CELF1: variants seen among roughly 807,000 people sequenced by gnomAD.
The protein encoded by CELF1 is CUGBP Elav-like family member 1.
In CELF1, 10 loss-of-function variants were observed where a neutral mutation model predicts 61.8. That is an observed-to-expected ratio of 0.16 (90% CI 0.10 to 0.27). The LOEUF (loss-of-function observed/expected upper bound fraction) is 0.27. Ranked by LOEUF, CELF1 falls within the 10% of genes least tolerant of loss-of-function variation. The pLI, the probability that CELF1 is intolerant of heterozygous loss-of-function variation, is 1.00. For synonymous variants in CELF1, 236 were observed against 225.1 expected (o/e 1.05, Z -0.43); for missense variants, 380 against 639.1 (o/e 0.59, Z 4.37).
intron 1 of CELF1, among the ~76,000 whole-genome samples, chr11:47,544,016 G>C (rs1303382394): frequency 1.3e-5 from 2 of 152,152 alleles, no homozygotes; most frequent in Non-Finnish European, 2.9e-5. Flanking sequence ...TCTCAAAGTA[G>C]AAATAGTGAA....
chr11:47,559,070 ATAT>A (rs1301704091), intron 2 of CELF1, among the ~76,000 whole-genome samples: 3 of 139,258 alleles, frequency 2.2e-5, no homozygotes, highest in Non-Finnish European at 4.5e-5. Context: ...ATATATAATA[ATAT>A]AATATATAAT....
intron 1 of CELF1, among the ~76,000 whole-genome samples, chr11:47,503,401 T>C (rs1246220504): frequency 6.6e-6 from 1 of 152,148 alleles, no homozygotes; most frequent in Non-Finnish European, 1.5e-5. Context: ...GAACAGATTT[T>C]ACACTTCCAC....
chr11:47,532,219 C>T (rs1474733688), intron 1 of CELF1, among the ~76,000 whole-genome samples: 5 of 152,002 alleles, frequency 3.3e-5, no homozygotes, highest in African/African-American at 1.2e-4. Flanking sequence ...TTAGTAGAGA[C>T]GGGTTTCACC....
At chr11:47,496,254 T>A (rs1188862203) in intron 3 of CELF1, among the ~76,000 whole-genome samples, 1 of 152,160 alleles carries the variant, frequency 6.6e-6, no homozygotes, top group Non-Finnish European at 1.5e-5. Context: ...ATAAAGACAA[T>A]AATAATTTAA....
chr11:47,543,725 T>C (rs888499217), intron 1 of CELF1, among the ~76,000 whole-genome samples: 3 of 151,776 alleles, frequency 2.0e-5, no homozygotes, highest in African/African-American at 2.4e-5. Flanking sequence ...TTGGGCTACA[T>C]AGCGGACCCG....
At chr11:47,510,734 C>A (rs2095067978) in intron 1 of CELF1, among the ~76,000 whole-genome samples, 1 of 152,102 alleles carries the variant, frequency 6.6e-6, no homozygotes, top group Non-Finnish European at 1.5e-5. Context: ...CGATCCACCC[C>A]CTCTTGGCCT....
At chr11:47,501,747 C>CAGGA (rs2153555430) in intron 1 of CELF1, among the ~76,000 whole-genome samples, 1 of 152,200 alleles carries the variant, frequency 6.6e-6, no homozygotes, top group East Asian at 1.9e-4. Context: ...AGCTTGAACC[C>CAGGA]AGGAGGCAGA....
intron 6 of CELF1, 114 bp downstream of exon 6, chr11:47,486,636 G>A (rs1332688655): frequency 1.5e-5 from 12 of 802,074 alleles, no homozygotes; most frequent in Admixed American, 1.9e-5. Context: ...CTCGAACTCC[G>A]GCCTCAAGCA....
intron 1 of CELF1, among the ~76,000 whole-genome samples, chr11:47,536,012 T>C (rs866098449): frequency 3.3e-5 from 5 of 152,206 alleles, no homozygotes; most frequent in African/African-American, 1.2e-4. Context: ...TCCGCCCGCC[T>C]CAGCCTCCCA....
Position 47,499,574 on chromosome 11 carries a change from C to G in CELF1, c.-51G>C. On this transcript the variant is annotated 5_prime_UTR_variant, in exon 3 of 15. Coordinates refer to ENST00000687097, the MANE Select transcript of CELF1 (RefSeq NM_001376376.1). ...AATGATATTAACTTGCTGCACTTGT[C>G]TGATCCACAAATACACACAGCTTTA... The G allele has an allele frequency of 7.1e-7, 1 of 1,413,432 alleles. No homozygotes were observed. The allele number at this position is 1,413,432 out of a possible 1,614,324, so 87.6% of individuals were successfully genotyped here. A position where few individuals can be genotyped will look rare whatever the true frequency, so the allele number is the denominator to read the frequency against.
At chr11:47,558,112 C>T (rs574874540), upstream of CELF1, among the ~76,000 whole-genome samples, 4 of 152,232 alleles carry the variant, frequency 2.6e-5, no homozygotes, top group South Asian at 2.1e-4. Flanking sequence ...CCGCCTCAGC[C>T]TCCGAAAGTG....
rs1316462354 is a variant in CELF1, at chr11:47,469,292, T to G, written c.*2938A>C. On this transcript the variant is annotated 3_prime_UTR_variant, in exon 15 of 15. Coordinates refer to ENST00000687097, the MANE Select transcript of CELF1 (RefSeq NM_001376376.1). ...TTTTTCAGGGAAGAGGACCAGAATT[T>G]CTGCTCAATCTTATGGGGATGGCCC... 6.6e-6 allele frequency: 1 copy of G among 152,196 alleles called. No homozygotes were observed. The allele number at this position is 152,196 out of a possible 1,614,324, so 9.4% of individuals were successfully genotyped here. A position where few individuals can be genotyped will look rare whatever the true frequency, so the allele number is the denominator to read the frequency against.
intron 1 of CELF1, among the ~76,000 whole-genome samples, chr11:47,533,027 T>C (rs1319912500): frequency 6.6e-6 from 1 of 152,110 alleles, no homozygotes; most frequent in African/African-American, 2.4e-5. Context: ...AAGAGGTTGT[T>C]ACCATGGGAA....
At chr11:47,542,623 G>A (rs1323379730) in intron 1 of CELF1, among the ~76,000 whole-genome samples, 1 of 150,902 alleles carries the variant, frequency 6.6e-6, no homozygotes, top group African/African-American at 2.4e-5. Flanking sequence ...TCAGCCACTT[G>A]AGGAGCTGGG....
chr11:47,491,942 A>G (rs1462518947), intron 3 of CELF1, among the ~76,000 whole-genome samples: 5 of 152,226 alleles, frequency 3.3e-5, no homozygotes, highest in Non-Finnish European at 4.4e-5. Context: ...AAGAGCAGCT[A>G]TTATCTCCTA....
At position 47,475,407 on chromosome 11, in the gene CELF1, G is replaced by A. The variant is rs565562546; in HGVS notation, c.1202C>T (p.Ala401Val). ...YSGIQQYAAA[A>V]LPTLYNQNLL... ...ATTCTGGTTGTACAGAGTGGGGAGC[G>A]CAGCAGCAGCATATTGCTGGATACC... The change falls in exon 13 of 15, where the codon GCG (alanine) becomes GTG (valine). Residue 401 changes from alanine to valine, a missense_variant. By Grantham distance (64) the Ala-to-Val change is moderately conservative. Coordinates refer to ENST00000687097, the MANE Select transcript of CELF1 (RefSeq NM_001376376.1). 36 of 1,613,874 alleles carry A rather than the reference G, an allele frequency of 2.2e-5. No homozygotes were observed. Among genetic ancestry groups the A allele is most frequent in the Non-Finnish European group, 2.7e-5 (32 of 1,179,856 alleles).
intron 1 of CELF1, among the ~76,000 whole-genome samples, chr11:47,512,677 T>C (rs901812103): frequency 6.6e-6 from 1 of 152,118 alleles, no homozygotes; most frequent in Non-Finnish European, 1.5e-5. Flanking sequence ...AGACAAATAA[T>C]AGAAATAACT....
intron 1 of CELF1, among the ~76,000 whole-genome samples, chr11:47,537,524 G>C (rs568765097): frequency 6.6e-6 from 1 of 152,064 alleles, no homozygotes; most frequent in African/African-American, 2.4e-5. Flanking sequence ...TGGGATTACA[G>C]GCGTGAGCCA....
chr11:47,498,940 G>A (rs2093555664), intron 3 of CELF1, among the ~76,000 whole-genome samples: 1 of 151,934 alleles, frequency 6.6e-6, no homozygotes, highest in African/African-American at 2.4e-5. Flanking sequence ...GGCGGGGGTG[G>A]GGGGAATCAA....
Sources: gnomAD v4.1 joint callset for allele counts (sites outside exome capture counted in the v4.1 genomes callset) on GRCh38, gnomAD v4.1.1 for gene constraint, MANE v1.5 for transcripts, NCBI Gene and HGNC (gene_info 2026-07-23, HGNC 2026-07-21) for gene names.